SLIT1: variants seen among roughly 807,000 people sequenced by gnomAD.
SLIT1 encodes the protein slit guidance ligand 1, also known as slit homolog 1 protein.
SLIT1 carries 66 observed loss-of-function variants against 186.1 expected under a neutral mutation model. The observed-to-expected ratio is 0.35, with a 90% CI of 0.29 to 0.44. SLIT1 has a LOEUF of 0.44. SLIT1 is among the 20% of genes least tolerant of loss of function. The pLI, the probability that SLIT1 is intolerant of heterozygous loss-of-function variation, is 1.00. For missense variants in SLIT1, 1,638 were observed against 2,037.4 expected, an observed-to-expected ratio of 0.80 and a Z score of 3.77; for synonymous variants, 761 against 833.8, an observed-to-expected ratio of 0.91 and a Z score of 1.50.
At chr10:97,154,595 C>A (rs117654835) in intron 4 of SLIT1, 1,860 of 152,326 alleles carry the variant, frequency 0.012, 25 homozygotes, top group African/African-American at 0.03. Context: ...AAACACCCCC[C>A]CAAAGGGCTA....
intron 4 of SLIT1, among the ~76,000 whole-genome samples, chr10:97,067,563 C>T (rs1208229503): frequency 6.6e-6 from 1 of 152,210 alleles, no homozygotes; most frequent in Non-Finnish European, 1.5e-5. Context: ...GGTGGTGGCT[C>T]CAGAATTTGA....
At chr10:97,049,341 C>T (rs1312544854) in intron 13 of SLIT1, among the ~76,000 whole-genome samples, 1 of 152,172 alleles carries the variant, frequency 6.6e-6, no homozygotes, top group African/African-American at 2.4e-5. Flanking sequence ...GGGTCTCTGC[C>T]ACCCAGAGCT....
intron 30 of SLIT1, among the ~76,000 whole-genome samples, chr10:97,012,732 G>T (rs1036434543): frequency 1.3e-5 from 2 of 152,210 alleles, no homozygotes; most frequent in African/African-American, 2.4e-5. Flanking sequence ...GTGGAACCAG[G>T]CCTCAACAAT....
chr10:97,140,430 C>G (rs561098865), intron 4 of SLIT1, among the ~76,000 whole-genome samples: 1 of 152,302 alleles, frequency 6.6e-6, no homozygotes, highest in East Asian at 1.9e-4. Context: ...GGCCCCAGAG[C>G]CTTTAGTAAA....
chr10:97,030,811 T>C lies in SLIT1; in HGVS notation c.2528A>G (p.Asp843Gly), dbSNP rs1344214858. The C allele has an allele frequency of 2.5e-6, 4 of 1,613,962 alleles. No individual in the cohort carries two copies. The highest frequency in any genetic ancestry group is 3.4e-6 in the Non-Finnish European group (4 of 1,179,956). Reference protein sequence around the residue: ...SLRLLSLHGNDISTLQEGIFA... With the variant: ...SLRLLSLHGNGISTLQEGIFA... The stretch of plus-strand genomic sequence containing the variant: ...GATGCCCTCTTGGAGGGTGGAGATG[T>C]CATTGCCGTGGAGAGACCTGAGAAG... The change falls in exon 25 of 37, where the codon GAC becomes GGC. Residue 843 changes from aspartate to glycine, a missense_variant. Physicochemically the swap from Asp to Gly is moderately conservative, Grantham distance 94 (BLOSUM62 -1). Around this residue, in one of 3 missense-constraint regions of SLIT1, gnomAD observed 1,245 missense variants for 1,535.3 expected, o/e 0.81. Coordinates refer to ENST00000266058, the MANE Select transcript of SLIT1 (RefSeq NM_003061.3).
intron 4 of SLIT1, among the ~76,000 whole-genome samples, chr10:97,097,668 T>C (rs2134667766): frequency 6.6e-6 from 1 of 152,344 alleles, no homozygotes; most frequent in East Asian, 1.9e-4. Flanking sequence ...AGGAGCCCCC[T>C]CCAGGAAGTC....
At chr10:97,135,769 G>A (rs376978060) in intron 4 of SLIT1, among the ~76,000 whole-genome samples, 31 of 152,330 alleles carry the variant, frequency 2.0e-4, no homozygotes, top group South Asian at 1.5e-3. Context: ...GGATGGTCCC[G>A]TTTCCGAAAA....
intron 10 of SLIT1, 133 bp downstream of exon 10, chr10:97,059,954 G>T: frequency 1.3e-6 from 1 of 778,588 alleles, no homozygotes. Context: ...CTGAAGGGCA[G>T]GAAGGTCAGG....
intron 4 of SLIT1, among the ~76,000 whole-genome samples, chr10:97,123,337 T>C (rs2134689044): frequency 6.6e-6 from 1 of 152,368 alleles, no homozygotes; most frequent in East Asian, 1.9e-4. Context: ...CTGTGGAATG[T>C]AAAATTGTAA....
intron 4 of SLIT1, among the ~76,000 whole-genome samples, chr10:97,115,911 A>G (rs978763695): frequency 6.6e-6 from 1 of 152,184 alleles, no homozygotes; most frequent in African/African-American, 2.4e-5. Flanking sequence ...GGATAAAGGG[A>G]ACCTTCCCAT....
intron 21 of SLIT1, among the ~76,000 whole-genome samples, chr10:97,039,770 C>T (rs990238912): frequency 6.6e-6 from 1 of 151,742 alleles, no homozygotes; most frequent in Non-Finnish European, 1.5e-5. Context: ...CGCTGCCATG[C>T]GGTCATCAGG....
intron 4 of SLIT1, among the ~76,000 whole-genome samples, chr10:97,124,711 C>T (rs924642181): frequency 3.2e-4 from 49 of 152,158 alleles, no homozygotes; most frequent in African/African-American, 1.1e-3. Context: ...CCTTCCCCAC[C>T]CAGGAGCACT....
chr10:97,072,808 A>G (rs1466418315), intron 4 of SLIT1, among the ~76,000 whole-genome samples: 1 of 152,178 alleles, frequency 6.6e-6, no homozygotes, highest in African/African-American at 2.4e-5. Flanking sequence ...TGCTTCTGCT[A>G]TTGACCAACC....
chr10:97,012,882 G>C lies in SLIT1; in HGVS notation c.3203+859C>G, dbSNP rs369029793. On this transcript the variant is annotated intron_variant, in intron 30 of 36. Transcript: ENST00000266058. ...GCTCTGCCCTGACCACCCCTTGCTG[G>C]CCTGACTGGTGGAATGGGGAGGTCC... Among the ~76,000 whole-genome samples, 28 of 152,330 alleles carry C rather than the reference G, an allele frequency of 1.8e-4. No individual in the cohort carries two copies. In the South Asian group the frequency reaches 5.6e-3, roughly 30 times the overall value.
At chr10:97,015,903 A>G (rs1848451016) in intron 28 of SLIT1, among the ~76,000 whole-genome samples, 1 of 152,042 alleles carries the variant, frequency 6.6e-6, no homozygotes, top group Non-Finnish European at 1.5e-5. Context: ...ATTTGGTTAG[A>G]AAAAAAAGAC....
At chr10:97,023,867 G>A (rs551251514) in intron 25 of SLIT1, among the ~76,000 whole-genome samples, 27 of 152,248 alleles carry the variant, frequency 1.8e-4, no homozygotes, top group Middle Eastern at 3.4e-3. Context: ...CACTTAACCC[G>A]GGAGGGGGAG....
At chr10:97,048,856 T>TGGACAGGG (rs763764185) in intron 14 of SLIT1, 99 bp downstream of exon 14, 38 of 1,256,510 alleles carry the variant, frequency 3.0e-5, no homozygotes, top group Non-Finnish European at 3.9e-5. Context: ...GGCGGGTAGG[T>TGGACAGGG]GGGCAGGTGG....
At chr10:97,154,596 C>CT (rs1554853939) in intron 4 of SLIT1, 1 of 152,204 alleles carries the variant, frequency 6.6e-6, no homozygotes, top group Admixed American at 6.5e-5. Context: ...AACACCCCCC[C>CT]AAAGGGCTAC....
At chr10:97,001,948 C>A (rs1325546294) in intron 36 of SLIT1, among the ~76,000 whole-genome samples, 1 of 152,064 alleles carries the variant, frequency 6.6e-6, no homozygotes, top group Admixed American at 6.5e-5. Context: ...GAGGCGCATA[C>A]CCTGAATAAG....
Sources: allele counts gnomAD v4.1 joint callset (sites outside exome capture counted in the v4.1 genomes callset), GRCh38; gene constraint gnomAD v4.1.1; regional missense constraint gnomAD v4.1.1; transcripts MANE v1.5; gene names NCBI Gene and HGNC (gene_info 2026-07-23, HGNC 2026-07-21).